TOMM34: variants seen among roughly 807,000 people sequenced by gnomAD.
TOMM34 encodes the protein mitochondrial import receptor subunit TOM34.
Under a neutral mutation model 37.4 loss-of-function variants are expected in TOMM34, and 24 were observed. The ratio of observed to expected loss-of-function variants is 0.64; its 90% CI spans 0.46 to 0.90. The LOEUF (loss-of-function observed/expected upper bound fraction) is 0.90, where lower values mean the gene tolerates loss of function less well. Among genes scored for constraint, TOMM34 ranks in the 40% least tolerant of loss-of-function variants. TOMM34 has a pLI of 0.00. For synonymous variants in TOMM34, 154 were observed against 148.9 expected, an observed-to-expected ratio of 1.03 and a Z score of -0.25; for missense variants, 304 against 375.6, an observed-to-expected ratio of 0.81 and a Z score of 1.58.
In TOMM34 at chr20:44,948,736, C is replaced by T. The variant is rs2145597728; in HGVS notation, c.692G>A (p.Ser231Asn). ...LCSNLESATY[S>N]NRALCYLVLK... ...GCAGCTGTATAGGAGATACCTGTTG[C>T]TGTACGTGGCAGATTCCAGGTTACT... The change falls in exon 5 of 7, where the codon AGC becomes AAC. Residue 231 changes from serine (S) to asparagine (N), a missense_variant. Transcript: ENST00000372813. 1 of 1,614,138 alleles carries T rather than the reference C, an allele frequency of 6.2e-7. No homozygotes were observed. Among genetic ancestry groups the T allele is most frequent in the Non-Finnish European group, 8.5e-7 (1 of 1,179,980 alleles).
At chr20:44,943,312 C>A in intron 6 of TOMM34, 99 bp from the exon 7 acceptor site, 1 of 1,596,726 alleles carries the variant, frequency 6.3e-7, no homozygotes, top group East Asian at 2.2e-5. Context: ...AGCCCACAGG[C>A]CTGCTCTGAG....
At chr20:44,953,173 T>TCTC (rs747804808) in intron 3 of TOMM34, among the ~76,000 whole-genome samples, 10 of 152,082 alleles carry the variant, frequency 6.6e-5, no homozygotes, top group Non-Finnish European at 1.3e-4. Context: ...TCCCTTTAAC[T>TCTC]CTTTCCTCAC....
chr20:44,953,059 A>G (rs941053222), intron 3 of TOMM34, among the ~76,000 whole-genome samples: 4 of 152,016 alleles, frequency 2.6e-5, no homozygotes, highest in African/African-American at 9.7e-5. Flanking sequence ...TAAGCTCTGG[A>G]TCCCATCTCC....
At chr20:44,959,696 C>G (rs1292543047) in intron 1 of TOMM34, among the ~76,000 whole-genome samples, 1 of 152,112 alleles carries the variant, frequency 6.6e-6, no homozygotes, top group Non-Finnish European at 1.5e-5. Context: ...TAGACATCAC[C>G]TCAAATATCA....
chr20:44,944,410 G>A (rs1044695342), intron 5 of TOMM34, among the ~76,000 whole-genome samples: 1 of 152,194 alleles, frequency 6.6e-6, no homozygotes, highest in Non-Finnish European at 1.5e-5. Flanking sequence ...AGTGGGTGCA[G>A]GGTATTCACT....
chr20:44,943,414 T>C (rs1396113492), intron 6 of TOMM34, 39 bp downstream of exon 6: 1 of 1,613,740 alleles, frequency 6.2e-7, no homozygotes, highest in Non-Finnish European at 8.5e-7. Context: ...TAAATCTCTG[T>C]AGCTATGTTG....
At position 44,960,310 on chromosome 20, in the gene TOMM34, A is replaced by G. The variant is rs1179806539; in HGVS notation, c.24T>C (p.Ser8=). MAPKFPD[S]VEELRAAGNE... ...TGCCGGCGGCGCGGAGCTCCTCCAC[A>G]GAGTCTGGGAATTTGGGGGCCATCC... Residue 8 remains serine (S), a synonymous_variant, in exon 1 of 7, where the codon TCT becomes TCC. Transcript: ENST00000372813. 4 of 1,583,960 alleles carry G rather than the reference A, an allele frequency of 2.5e-6. No individual in the cohort carries two copies. Among genetic ancestry groups the G allele is most frequent in the Non-Finnish European group, 3.4e-6 (4 of 1,166,176 alleles).
rs1351285617 is a variant in TOMM34, at chr20:44,955,145, G to A, written c.303C>T (p.Tyr101=). 5 of 1,614,074 alleles carry A rather than the reference G, an allele frequency of 3.1e-6. No individual in the cohort carries two copies. In the African/African-American group the frequency reaches 6.7e-5, roughly 22 times the overall value. Residue 101 remains tyrosine (Y), a synonymous_variant, in exon 3 of 7, where the codon TAC becomes TAT. Transcript: ENST00000372813. ...RASAYEALEK[Y]PMAYVDYKTV... Reference sequence around the variant, plus strand: ...TCTTATAGTCAACATAGGCCATAGGGTACTTCTCCAGAGCCTCATAAGCAG... The same window carrying A: ...TCTTATAGTCAACATAGGCCATAGGATACTTCTCCAGAGCCTCATAAGCAG...
chr20:44,957,993 C>A (rs2067088653), intron 1 of TOMM34, among the ~76,000 whole-genome samples: 1 of 151,928 alleles, frequency 6.6e-6, no homozygotes, highest in Admixed American at 6.6e-5. Flanking sequence ...CATCCTTATC[C>A]CTGTGCTCCC....
chr20:44,948,465 C>T (rs1224037135), intron 5 of TOMM34, among the ~76,000 whole-genome samples: 1 of 152,206 alleles, frequency 6.6e-6, no homozygotes, highest in Non-Finnish European at 1.5e-5. Context: ...AGAGCAGGCA[C>T]ACTGCTTTTA....
At chr20:44,943,299 C>T in intron 6 of TOMM34, 86 bp from the exon 7 acceptor site, 1 of 1,599,464 alleles carries the variant, frequency 6.3e-7, no homozygotes, top group South Asian at 1.1e-5. Context: ...GTTTTCAAAC[C>T]CCAGCCCACA....
At position 44,960,241 on chromosome 20, in the gene TOMM34, G is replaced by A; in HGVS notation, c.93C>T (p.Leu31=). 3 of 1,566,580 alleles carry A rather than the reference G, an allele frequency of 1.9e-6. No individual in the cohort carries two copies. Among genetic ancestry groups the A allele is most frequent in the African/African-American group, 2.7e-5 (2 of 73,142 alleles). The change falls in exon 1 of 7, where the codon CTC becomes CTT. Residue 31 remains leucine (L), a synonymous_variant. Coordinates refer to ENST00000372813, the MANE Select transcript of TOMM34 (RefSeq NM_006809.5). ...RNGQYAEASA[L]YGRALRVLQA... is the part of the protein sequence containing the mutation. ...GCAGCACCCGCAGCGCGCGGCCGTA[G>A]AGCGCGGAGGCCTCGGCGTACTGGC...
Position 44,943,533 on chromosome 20 carries a change from C to T in TOMM34, c.745G>A (p.Asp249Asn). The T allele has an allele frequency of 6.2e-7, 1 of 1,614,154 alleles. No homozygotes were observed. Among genetic ancestry groups the T allele is most frequent in the Non-Finnish European group, 8.5e-7 (1 of 1,180,036 alleles). The change falls in exon 6 of 7, where the codon GAC becomes AAC. Residue 249 changes from aspartate to asparagine, a missense_variant. Coordinates refer to ENST00000372813, the MANE Select transcript of TOMM34 (RefSeq NM_006809.5). ...VLKQYTEAVK[D>N]CTEALKLDGK... is the part of the protein sequence containing the mutation. ...TCCAGCTTGAGGGCTTCTGTGCAGTCCTTCACTGCTTCTGTGTACTGCTTC... is the reference window on the plus strand; with the variant it reads ...TCCAGCTTGAGGGCTTCTGTGCAGTTCTTCACTGCTTCTGTGTACTGCTTC...
intron 5 of TOMM34, among the ~76,000 whole-genome samples, chr20:44,946,378 T>C (rs940153478): frequency 6.6e-6 from 1 of 152,214 alleles, no homozygotes; most frequent in Non-Finnish European, 1.5e-5. Flanking sequence ...GTAAATGAAG[T>C]AACTGTATCC....
In TOMM34 at chr20:44,945,766, C is replaced by A. The variant is rs145099035; in HGVS notation, c.699-2187G>T. On this transcript the variant is annotated intron_variant, in intron 5 of 6. Coordinates refer to ENST00000372813, the MANE Select transcript of TOMM34 (RefSeq NM_006809.5). Reference sequence around the variant, plus strand: ...AAATGAGAACTGCCCTTCCCTAATTCCTGACTCCACAAATTACAAGCAAAA... The same window carrying A: ...AAATGAGAACTGCCCTTCCCTAATTACTGACTCCACAAATTACAAGCAAAA... 6.6e-5 allele frequency among the ~76,000 whole-genome samples: 10 copies of A among 152,330 alleles called. No homozygotes were observed. The East Asian group carries it at 1.9e-3, about 29-fold the overall frequency.
chr20:44,955,502 A>T (rs865804740), intron 2 of TOMM34: 1 of 548,096 alleles, frequency 1.8e-6, no homozygotes, highest in African/African-American at 1.9e-5. Flanking sequence ...CAAAAGCCTC[A>T]TGGCTTTCAT....
At chr20:44,955,030 A>C in intron 3 of TOMM34, 38 bp downstream of exon 3, 2 of 1,609,812 alleles carry the variant, frequency 1.2e-6, no homozygotes, top group Non-Finnish European at 8.5e-7. Flanking sequence ...AAGGACAGGG[A>C]GTTGCCGTGG....
Position 44,943,160 on chromosome 20 carries a change from C to G in TOMM34, c.879G>C (p.Arg293Ser). 6.2e-7 allele frequency: 1 copy of G among 1,614,156 alleles called. No individual in the cohort carries two copies. Among genetic ancestry groups the G allele is most frequent in the Non-Finnish European group, 8.5e-7 (1 of 1,180,032 alleles). Reference sequence around the variant, plus strand: ...GCCGCAACTTCTGTGCAGGACCATTCCTAGGCTCAATCTGTAGGAGGTTGC... The same window carrying G: ...GCCGCAACTTCTGTGCAGGACCATTGCTAGGCTCAATCTGTAGGAGGTTGC... ...DISNLLQIEP[R>S]NGPAQKLRQE... is the part of the protein sequence containing the mutation. The change falls in exon 7 of 7, where the codon AGG becomes AGC. Residue 293 changes from arginine (R) to serine (S), a missense_variant. Arg to Ser is a moderately radical substitution (Grantham distance 110, BLOSUM62 -1). Coordinates refer to ENST00000372813, the MANE Select transcript of TOMM34 (RefSeq NM_006809.5).
chr20:44,948,999 C>G, intron 4 of TOMM34, 122 bp from the exon 5 acceptor site: 1 of 1,292,264 alleles, frequency 7.7e-7, no homozygotes, highest in Non-Finnish European at 1.0e-6. Flanking sequence ...GATTTCCTCC[C>G]CTGCTGTAAA....
Sources: gnomAD v4.1 joint callset for allele counts (sites outside exome capture counted in the v4.1 genomes callset) on GRCh38, gnomAD v4.1.1 for gene constraint, MANE v1.5 for transcripts, NCBI Gene and HGNC (gene_info 2026-07-23, HGNC 2026-07-21) for gene names.